Variants in NEXMIF observed in about 807,000 individuals in gnomAD.
NEXMIF encodes XLMR protein related to neurite extension.
NEXMIF carries 8 observed loss-of-function variants against 62.1 expected under a neutral mutation model. The observed-to-expected ratio is 0.13, with a 90% CI of 0.08 to 0.23. NEXMIF has a LOEUF of 0.23. Ranked by LOEUF, NEXMIF falls within the 10% of genes least tolerant of loss-of-function variation. The probability of loss-of-function intolerance (pLI) is 1.00; values close to 1 mark genes in which losing one functional copy is unlikely to be tolerated. For synonymous variants in NEXMIF, 404 were observed against 416.6 expected (o/e 0.97, Z 0.37); for missense variants, 976 against 1,113.3 (o/e 0.88, Z 1.75).
chrX:74,741,053 G>A lies in NEXMIF; in HGVS notation c.3504C>T (p.Thr1168=). ...TFNDPSGQIS[T]NNKVSKSRKK... is the part of the protein sequence containing the mutation. ...TTCTTGATTTTGACACTTTGTTGTTGGTACTAATTTGACCAGATGGATCAT... is the reference window on the plus strand; with the variant it reads ...TTCTTGATTTTGACACTTTGTTGTTAGTACTAATTTGACCAGATGGATCAT... Residue 1168 remains threonine, a synonymous_variant, in exon 3 of 4, where the codon ACC becomes ACT. Transcript: ENST00000055682. 8.3e-7 allele frequency: 1 copy of A among 1,211,000 alleles called. No homozygotes were observed.
intron 1 of NEXMIF, among the ~76,000 whole-genome samples, chrX:74,810,744 C>T (rs2080358054): frequency 9.0e-6 from 1 of 110,907 alleles, no homozygotes; most frequent in African/African-American, 3.3e-5. Flanking sequence ...TTCTTGTGTA[C>T]AATGATCTTA....
At chrX:74,814,167 G>T (rs180726417) in intron 1 of NEXMIF, among the ~76,000 whole-genome samples, 2 of 111,617 alleles carry the variant, frequency 1.8e-5, no homozygotes, top group Admixed American at 1.9e-4. Flanking sequence ...GCCGAGGTAG[G>T]AATTACTATC....
At chrX:74,848,747 T>A (rs900146487) in intron 1 of NEXMIF, among the ~76,000 whole-genome samples, 2 of 112,320 alleles carry the variant, frequency 1.8e-5, no homozygotes, top group African/African-American at 6.5e-5. Flanking sequence ...TGAAATCTAA[T>A]CCCCAATGTG....
At chrX:74,802,798 C>A (rs979795868) in intron 1 of NEXMIF, among the ~76,000 whole-genome samples, 1 of 110,584 alleles carries the variant, frequency 9.0e-6, no homozygotes, top group African/African-American at 3.3e-5. Context: ...TGAGGAAATG[C>A]AAATAAATTC....
intron 1 of NEXMIF, among the ~76,000 whole-genome samples, chrX:74,915,273 C>G (rs987357943): frequency 9.0e-6 from 1 of 111,252 alleles, no homozygotes; most frequent in Non-Finnish European, 1.9e-5. Flanking sequence ...CATGTTTCTA[C>G]AAAACTAAAA....
intron 1 of NEXMIF, among the ~76,000 whole-genome samples, chrX:74,874,428 A>T (rs2080619653): frequency 9.0e-6 from 1 of 110,574 alleles, no homozygotes; most frequent in Non-Finnish European, 1.9e-5. Flanking sequence ...AGGTAGCGTG[A>T]TGCCTCCAGC....
chrX:74,736,494 C>T lies in NEXMIF; in HGVS notation c.*2911G>A, dbSNP rs1402518960. On this transcript the variant is annotated 3_prime_UTR_variant, in exon 4 of 4. Transcript: ENST00000055682. ...AGAAGGGAGCGGTAATCAGGAATTT[C>T]AGACCAAGGATAATATATATTTCTG... is the stretch of plus-strand genomic sequence containing the variant. 1 of 111,281 alleles carries T rather than the reference C, an allele frequency of 9.0e-6. No homozygotes were observed. The highest frequency in any genetic ancestry group is 1.9e-5 in the Non-Finnish European group (1 of 53,018). 9.2% of individuals were successfully genotyped at this position (111,281 alleles called of 1,213,427 possible). A position where few individuals can be genotyped will look rare whatever the true frequency, so the allele number is the denominator to read the frequency against.
intron 1 of NEXMIF, among the ~76,000 whole-genome samples, chrX:74,836,280 C>T (rs777170347): frequency 8.9e-6 from 1 of 112,802 alleles, no homozygotes; most frequent in Non-Finnish European, 1.9e-5. Flanking sequence ...TGTTGCTCTA[C>T]CCCACTTTGG....
chrX:74,790,696 C>T (rs1196912229), intron 1 of NEXMIF, among the ~76,000 whole-genome samples: 1 of 113,542 alleles, frequency 8.8e-6, no homozygotes, highest in African/African-American at 3.2e-5. Flanking sequence ...CTTCACATCC[C>T]TTGTAAGTTG....
At chrX:74,759,617 T>C (rs1187961361) in intron 1 of NEXMIF, among the ~76,000 whole-genome samples, 7 of 112,331 alleles carry the variant, frequency 6.2e-5, no homozygotes, top group African/African-American at 2.3e-4. Flanking sequence ...TCTAGACAGT[T>C]ATCCCAGCAA....
chrX:74,881,392 G>GCACACACACACACACACACACA (rs367805528), intron 1 of NEXMIF, among the ~76,000 whole-genome samples: 1 of 88,576 alleles, frequency 1.1e-5, no homozygotes, highest in African/African-American at 4.3e-5. Flanking sequence ...ACATACACAT[G>GCACACACACACACACACACACA]CACACACACA....
intron 1 of NEXMIF, among the ~76,000 whole-genome samples, chrX:74,874,552 G>T (rs1403020011): frequency 9.8e-6 from 1 of 102,449 alleles, no homozygotes; most frequent in Non-Finnish European, 2.0e-5. Flanking sequence ...AGCTTGATGG[G>T]GATGGCATTG....
chrX:74,832,336 G>T (rs961387259), intron 1 of NEXMIF, among the ~76,000 whole-genome samples: 3 of 111,583 alleles, frequency 2.7e-5, no homozygotes, highest in African/African-American at 9.8e-5. Flanking sequence ...ATGGTAGGTT[G>T]TATGTGTCTC....
chrX:74,860,650 C>A (rs1251499842), intron 1 of NEXMIF, among the ~76,000 whole-genome samples: 1 of 111,336 alleles, frequency 9.0e-6, no homozygotes, highest in Admixed American at 9.5e-5. Flanking sequence ...TCCTGAATGA[C>A]CAATGGTCAA....
intron 1 of NEXMIF, among the ~76,000 whole-genome samples, chrX:74,788,600 A>T (rs2080267782): frequency 9.0e-6 from 1 of 111,182 alleles, no homozygotes; most frequent in Non-Finnish European, 1.9e-5. Context: ...GGGCACAAAC[A>T]TGACATGATG....
intron 1 of NEXMIF, among the ~76,000 whole-genome samples, chrX:74,914,261 A>G (rs2080799589): frequency 8.9e-6 from 1 of 112,452 alleles, no homozygotes; most frequent in Non-Finnish European, 1.9e-5. Context: ...AAAACTGCAA[A>G]ATCAGTTTTT....
chrX:74,793,577 A>G (rs1403443506), intron 1 of NEXMIF, among the ~76,000 whole-genome samples: 50 of 111,194 alleles, frequency 4.5e-4, no homozygotes, highest in African/African-American at 1.6e-3. Flanking sequence ...GTGTTTTCCA[A>G]CTTGGTTCCA....
chrX:74,788,106 G>A (rs899032473), intron 1 of NEXMIF, among the ~76,000 whole-genome samples: 14 of 111,325 alleles, frequency 1.3e-4, no homozygotes, highest in African/African-American at 4.6e-4. Context: ...ATGAGGGTGA[G>A]GAATTACCCT....
intron 1 of NEXMIF, among the ~76,000 whole-genome samples, chrX:74,766,041 CAAAAAAAA>C (rs35891512): frequency 1.0e-4 from 8 of 78,858 alleles, no homozygotes; most frequent in Non-Finnish European, 1.4e-4. Context: ...ACTCTGTCTC[CAAAAAAAA>C]AAAAAAAAAT....
Sources: allele counts gnomAD v4.1 joint callset (sites outside exome capture counted in the v4.1 genomes callset), GRCh38; gene constraint gnomAD v4.1.1; transcripts MANE v1.5; gene names NCBI Gene and HGNC (gene_info 2026-07-23, HGNC 2026-07-21).